The following MSANTD2 variants were observed in gnomAD, a reference collection of about 807,000 sequenced individuals.
MSANTD2 encodes myb/SANT-like DNA-binding domain-containing protein 2.
A neutral mutation model predicts 52.6 loss-of-function variants in MSANTD2; 19 were observed. The observed-to-expected ratio is 0.36, with a 90% CI of 0.25 to 0.53. MSANTD2 has a LOEUF of 0.53. Ranked by LOEUF, MSANTD2 falls within the 20% of genes least tolerant of loss-of-function variation. The pLI is 0.91. For synonymous variants in MSANTD2, 291 were observed against 289.7 expected (o/e 1.00, Z -0.04); for missense variants, 558 against 716.3 (o/e 0.78, Z 2.52).
chr11:124,772,388 A>G (rs572516321), intron 3 of MSANTD2, among the ~76,000 whole-genome samples: 2 of 152,320 alleles, frequency 1.3e-5, no homozygotes, highest in East Asian at 3.9e-4. Flanking sequence ...CTTCTATACA[A>G]AATTCTCAAC....
chr11:124,785,552 T>A (rs1302106545), intron 1 of MSANTD2, among the ~76,000 whole-genome samples: 3 of 152,216 alleles, frequency 2.0e-5, no homozygotes, highest in African/African-American at 7.2e-5. Context: ...GACCTTGGTA[T>A]TTCAGCACTG....
chr11:124,791,361 GACAA>G, intron 1 of MSANTD2: 3 of 1,384,974 alleles, frequency 2.2e-6, no homozygotes, highest in Non-Finnish European at 3.1e-6. Flanking sequence ...GAATGTGCAA[GACAA>G]ACAAGGCATC....
chr11:124,782,563 A>G (rs918116791), intron 1 of MSANTD2, among the ~76,000 whole-genome samples: 7 of 152,214 alleles, frequency 4.6e-5, no homozygotes, highest in African/African-American at 1.2e-4. Flanking sequence ...AGGCCCAAAG[A>G]TAAGTATTCC....
At chr11:124,769,102 G>A (rs1225060842) in intron 3 of MSANTD2, among the ~76,000 whole-genome samples, 1 of 152,148 alleles carries the variant, frequency 6.6e-6, no homozygotes, top group Non-Finnish European at 1.5e-5. Flanking sequence ...ACAGCTTCTT[G>A]AAAACGGGCT....
chr11:124,792,379 T>C (rs1327932043), intron 1 of MSANTD2: 1 of 152,260 alleles, frequency 6.6e-6, no homozygotes, highest in Non-Finnish European at 1.5e-5. Context: ...TGGCAAATTA[T>C]TCTTCAATTA....
intron 1 of MSANTD2, among the ~76,000 whole-genome samples, chr11:124,781,217 C>T (rs1243864166): frequency 5.3e-5 from 8 of 150,178 alleles, no homozygotes; most frequent in Non-Finnish European, 7.4e-5. Flanking sequence ...AAGCATACAA[C>T]GATATTACTT....
intron 1 of MSANTD2, among the ~76,000 whole-genome samples, chr11:124,780,216 T>C (rs1008944541): frequency 6.6e-6 from 1 of 152,230 alleles, no homozygotes; most frequent in Non-Finnish European, 1.5e-5. Context: ...TAAATTTCTA[T>C]GTACATCTTT....
At chr11:124,791,288 A>G in intron 1 of MSANTD2, 1 of 1,453,956 alleles carries the variant, frequency 6.9e-7, no homozygotes, top group Non-Finnish European at 9.6e-7. Context: ...ATGCCCTCCT[A>G]GAACTGTCCC....
chr11:124,790,910 T>C (rs924357645), intron 1 of MSANTD2: 1 of 226,778 alleles, frequency 4.4e-6, no homozygotes, highest in African/African-American at 2.3e-5. Context: ...TTCTGGAGTT[T>C]CAATAGGTTC....
At chr11:124,790,785 T>C (rs1945305176) in intron 1 of MSANTD2, 2 of 160,480 alleles carry the variant, frequency 1.2e-5, no homozygotes, top group Non-Finnish European at 2.7e-5. Context: ...TCTCATTTCT[T>C]ACTACTTCCC....
rs1026549367 is a variant in MSANTD2, at chr11:124,774,019, C to T, written c.766+700G>A. Among the ~76,000 whole-genome samples the T allele has an allele frequency of 2.0e-5, 3 of 152,192 alleles. No homozygotes were observed. Among genetic ancestry groups the T allele is most frequent in the East Asian group, 3.8e-4 (2 of 5,204 alleles). On this transcript the variant is annotated intron_variant, in intron 2 of 3. Transcript: ENST00000374979. This position sits in a 1 kb window ranked among gnomAD's most constrained non-coding sequence, Gnocchi z 5.1. ...AAGAAACAGAACAATCCCACAACTA[C>T]ATATATACTCTTAGTTAGGCCCTAC...
At chr11:124,775,586 A>T (rs1348373426) in intron 1 of MSANTD2, 1 of 152,634 alleles carries the variant, frequency 6.6e-6, no homozygotes, top group Non-Finnish European at 1.5e-5. Context: ...ATAATGCTAC[A>T]AATTCCAGGT....
chr11:124,788,830 T>C (rs1945248212), intron 1 of MSANTD2, among the ~76,000 whole-genome samples: 1 of 152,202 alleles, frequency 6.6e-6, no homozygotes, highest in Non-Finnish European at 1.5e-5. Flanking sequence ...AATATAACAA[T>C]AGCAAATGAA....
In MSANTD2 at chr11:124,767,751, T is replaced by G; in HGVS notation, c.1105A>C (p.Lys369Gln). Reference sequence around the variant, plus strand: ...TCTAAAAATTTGTAGTAAACATTTTTCCAGTTCATTTTCTGCACTCGGGTC... The same window carrying G: ...TCTAAAAATTTGTAGTAAACATTTTGCCAGTTCATTTTCTGCACTCGGGTC... ...IMTRVQKMNWKNVYYKFLEIT... is the reference protein window; with the variant it reads ...IMTRVQKMNWQNVYYKFLEIT... The change falls in exon 4 of 4, where the codon AAA becomes CAA. Residue 369 changes from lysine to glutamine, a missense_variant. Lys to Gln is a moderately conservative substitution (Grantham distance 53). This residue lies in a region of MSANTD2 where 408 missense variants were observed against 573.6 expected (regional missense o/e 0.71). Coordinates refer to ENST00000374979, the MANE Select transcript of MSANTD2 (RefSeq NM_001308027.2). The surrounding 1 kb of genome is among the most constrained non-coding windows in gnomAD (Gnocchi z 6.5). 1.2e-6 allele frequency: 2 copies of G among 1,614,244 alleles called. No individual in the cohort carries two copies. Among genetic ancestry groups the G allele is most frequent in the South Asian group, 2.2e-5 (2 of 91,088 alleles).
At chr11:124,799,751 G>A in intron 1 of MSANTD2, 120 bp downstream of exon 1, 1 of 666,546 alleles carries the variant, frequency 1.5e-6, no homozygotes, top group Non-Finnish European at 2.4e-6. Flanking sequence ...GAGGAGATGC[G>A]AATCGCCCAC....
At chr11:124,781,790 C>T (rs2135250230) in intron 1 of MSANTD2, among the ~76,000 whole-genome samples, 1 of 152,008 alleles carries the variant, frequency 6.6e-6, no homozygotes, top group East Asian at 1.9e-4. Flanking sequence ...GTAGCTGGGA[C>T]TACAGGCACC....
chr11:124,783,805 G>C (rs1945067981), intron 1 of MSANTD2: 1 of 985,270 alleles, frequency 1.0e-6, no homozygotes, highest in East Asian at 1.1e-4. Flanking sequence ...AATACTAATT[G>C]TTAAAAACAA....
Position 124,773,017 on chromosome 11 carries a change from T to C in MSANTD2, c.804A>G (p.Lys268=). Residue 268 remains lysine (K), a synonymous_variant, in exon 3 of 4, where the codon AAA becomes AAG. Coordinates refer to ENST00000374979, the MANE Select transcript of MSANTD2 (RefSeq NM_001308027.2). Reference sequence around the variant, plus strand: ...ACTGTGCTTCTTCAGAAGACTCTTGTTTTATTTTTAATGTTCTCTTTGTGA... The same window carrying C: ...ACTGTGCTTCTTCAGAAGACTCTTGCTTTATTTTTAATGTTCTCTTTGTGA... ...IPVTKRTLKI[K]QESSEEAQKR... is the part of the protein sequence containing the mutation. The C allele has an allele frequency of 6.2e-7, 1 of 1,601,096 alleles. No homozygotes were observed. The highest frequency in any genetic ancestry group is 8.6e-7 in the Non-Finnish European group (1 of 1,168,654).
chr11:124,776,887 T>C (rs1944767355), intron 1 of MSANTD2, among the ~76,000 whole-genome samples: 1 of 152,192 alleles, frequency 6.6e-6, no homozygotes, highest in Non-Finnish European at 1.5e-5. Flanking sequence ...AACGATACAC[T>C]CTTTTTAAAA....
Sources: gnomAD v4.1 joint callset for allele counts (sites outside exome capture counted in the v4.1 genomes callset) on GRCh38, gnomAD v4.1.1 for gene constraint, gnomAD v4.1.1 regional missense constraint, Gnocchi (gnomAD v3.1) non-coding constraint, MANE v1.5 for transcripts, NCBI Gene and HGNC (gene_info 2026-07-23, HGNC 2026-07-21) for gene names.